Variants in FBXL7 observed in about 807,000 individuals in gnomAD.
The protein encoded by FBXL7 is F-box and leucine rich repeat protein 7.
In FBXL7, 12 loss-of-function variants were observed where a neutral mutation model predicts 38.3. That is an observed-to-expected ratio of 0.31 (90% CI 0.20 to 0.51). The LOEUF is 0.51. FBXL7 is among the 20% of genes least tolerant of loss of function. The pLI is 0.98. For synonymous variants in FBXL7, 297 were observed against 300.9 expected (o/e 0.99, Z 0.13); for missense variants, 567 against 676.4 (o/e 0.84, Z 1.79).
chr5:15,807,989 G>A (rs1244973433), intron 2 of FBXL7, among the ~76,000 whole-genome samples: 1 of 152,112 alleles, frequency 6.6e-6, no homozygotes. Flanking sequence ...AGGCAGACAG[G>A]GCTCTGCCTG....
chr5:15,650,803 G>C (rs966144725), intron 2 of FBXL7, among the ~76,000 whole-genome samples: 38 of 152,168 alleles, frequency 2.5e-4, no homozygotes, highest in Non-Finnish European at 1.6e-4. Flanking sequence ...TTGATCATGA[G>C]ATTGCAGCAA....
intron 1 of FBXL7, among the ~76,000 whole-genome samples, chr5:15,556,858 T>A (rs562297476): frequency 6.6e-6 from 1 of 152,328 alleles, no homozygotes; most frequent in African/African-American, 2.4e-5. Flanking sequence ...GAACAGCCAC[T>A]ATCTTTTTTG....
rs536812980 is a variant in FBXL7, at chr5:15,794,717, A to G, written c.128-133173A>G. ...CAGTATCTTTCATTTTATCTTAACA[A>G]CTTTGGGATACAAGGCTAACCAGTG... On this transcript the variant is annotated intron_variant, in intron 2 of 3. Coordinates refer to ENST00000504595, the MANE Select transcript of FBXL7 (RefSeq NM_012304.5). 1.9e-3 allele frequency among the ~76,000 whole-genome samples: 288 copies of G among 152,190 alleles called. 1 individual carries two copies. Among genetic ancestry groups the G allele is most frequent in the African/African-American group, 6.6e-3 (274 of 41,526 alleles).
At chr5:15,520,085 C>A (rs1199190810) in intron 1 of FBXL7, among the ~76,000 whole-genome samples, 1 of 152,166 alleles carries the variant, frequency 6.6e-6, no homozygotes, top group Non-Finnish European at 1.5e-5. Flanking sequence ...GATATATTGC[C>A]ATGGCATTTG....
chr5:15,755,462 T>C (rs886239720), intron 2 of FBXL7, among the ~76,000 whole-genome samples: 2 of 152,184 alleles, frequency 1.3e-5, no homozygotes, highest in Non-Finnish European at 2.9e-5. Context: ...GTCTCCCATA[T>C]ACAGATATAA....
At chr5:15,801,654 T>TGTGC (rs1030873995) in intron 2 of FBXL7, among the ~76,000 whole-genome samples, 45 of 146,992 alleles carry the variant, frequency 3.1e-4, no homozygotes, top group African/African-American at 1.1e-3. Context: ...TGTGTGTGTG[T>TGTGC]GTGCGCGCGC....
intron 2 of FBXL7, among the ~76,000 whole-genome samples, chr5:15,831,571 C>T (rs568330509): frequency 3.3e-5 from 5 of 152,258 alleles, no homozygotes; most frequent in Admixed American, 2.6e-4. Flanking sequence ...CTGTTAAGCA[C>T]AGAACTCTTA....
intron 2 of FBXL7, among the ~76,000 whole-genome samples, chr5:15,859,249 T>G (rs370488651): frequency 2.6e-5 from 4 of 152,268 alleles, no homozygotes; most frequent in East Asian, 1.9e-4. Flanking sequence ...CCATCTTCTA[T>G]TCCATCCTTC....
chr5:15,929,607 G>C (rs1186790882), intron 3 of FBXL7, among the ~76,000 whole-genome samples: 2 of 144,454 alleles, frequency 1.4e-5, no homozygotes, highest in Non-Finnish European at 3.0e-5. Context: ...CTGGAGGACA[G>C]AGTGAGACCC....
chr5:15,611,768 A>C (rs1740244802), intron 1 of FBXL7, among the ~76,000 whole-genome samples: 1 of 151,900 alleles, frequency 6.6e-6, no homozygotes, highest in South Asian at 2.1e-4. Context: ...GGATTGCCTG[A>C]GGCCAGGAAT....
rs187149021 is a variant in FBXL7 at position 15,698,149 on chromosome 5, A to T, written c.127+82077A>T. 5.3e-5 allele frequency among the ~76,000 whole-genome samples: 8 copies of T among 152,324 alleles called. No homozygotes were observed. In the East Asian group the frequency reaches 1.5e-3, roughly 29 times the overall value. On this transcript the variant is annotated intron_variant, in intron 2 of 3. Transcript: ENST00000504595. ...AGGGATAGAGGAGTTCTTTTAGAAA[A>T]ATCACCAAGAAAAAACCAAACAGAT...
At chr5:15,859,733 G>A (rs1254338549) in intron 2 of FBXL7, among the ~76,000 whole-genome samples, 1 of 152,148 alleles carries the variant, frequency 6.6e-6, no homozygotes, top group Admixed American at 6.5e-5. Flanking sequence ...CCCACGACAT[G>A]TAGGGATTAC....
At chr5:15,788,853 T>A (rs1737199726) in intron 2 of FBXL7, among the ~76,000 whole-genome samples, 1 of 148,872 alleles carries the variant, frequency 6.7e-6, no homozygotes, top group Non-Finnish European at 1.5e-5. Context: ...CTAAGTTTTG[T>A]ATTTTTTTTT....
intron 2 of FBXL7, among the ~76,000 whole-genome samples, chr5:15,651,379 G>A (rs1231428849): frequency 6.6e-6 from 1 of 152,110 alleles, no homozygotes; most frequent in Non-Finnish European, 1.5e-5. Context: ...ACAAGCGTGA[G>A]CCACTGTGCC....
intron 2 of FBXL7, among the ~76,000 whole-genome samples, chr5:15,621,842 A>G (rs972145205): frequency 5.3e-5 from 8 of 152,214 alleles, no homozygotes; most frequent in South Asian, 2.1e-4. Context: ...CCAGACAACA[A>G]TGCAGCCACG....
chr5:15,614,522 G>C (rs747599637), intron 1 of FBXL7, among the ~76,000 whole-genome samples: 3 of 152,032 alleles, frequency 2.0e-5, no homozygotes, highest in East Asian at 1.9e-4. Flanking sequence ...CATGTGCCTC[G>C]GTCTCCCAAA....
intron 1 of FBXL7, among the ~76,000 whole-genome samples, chr5:15,523,859 G>A (rs1040522151): frequency 4.6e-5 from 7 of 152,200 alleles, no homozygotes; most frequent in Non-Finnish European, 7.3e-5. Context: ...GAAATGCGGC[G>A]TTCTGCTGGC....
chr5:15,807,446 C>A (rs1382790432), intron 2 of FBXL7, among the ~76,000 whole-genome samples: 1 of 152,090 alleles, frequency 6.6e-6, no homozygotes, highest in Non-Finnish European at 1.5e-5. Flanking sequence ...CTGGAAATCC[C>A]AGAGAGCTTG....
At chr5:15,514,014 C>A (rs1414743074) in intron 1 of FBXL7, among the ~76,000 whole-genome samples, 1 of 152,100 alleles carries the variant, frequency 6.6e-6, no homozygotes, top group African/African-American at 2.4e-5. Context: ...CTCCTAAAGC[C>A]ATAACAACAT....
Sources: allele counts gnomAD v4.1 joint callset (sites outside exome capture counted in the v4.1 genomes callset), GRCh38; gene constraint gnomAD v4.1.1; transcripts MANE v1.5; gene names NCBI Gene and HGNC (gene_info 2026-07-23, HGNC 2026-07-21).